The following NARS2 variants were observed in gnomAD, a reference collection of about 807,000 sequenced individuals.
The protein encoded by NARS2 is asparaginyl-tRNA synthetase 2, mitochondrial.
A neutral mutation model predicts 62.9 loss-of-function variants in NARS2; 60 were observed. The ratio of observed to expected loss-of-function variants is 0.95; its 90% confidence interval spans 0.77 to 1.18. The LOEUF (loss-of-function observed/expected upper bound fraction) is 1.18. Ranked by LOEUF, NARS2 falls within the 50% of genes most tolerant of loss-of-function variation. NARS2 has a pLI of 0.00. For synonymous variants in NARS2, 196 were observed against 200.0 expected, an observed-to-expected ratio of 0.98 and a Z score of 0.17; for missense variants, 619 against 576.4, an observed-to-expected ratio of 1.07 and a Z score of -0.76.
At chr11:78,447,054 AAC>A (rs1857786949) in intron 11 of NARS2, among the ~76,000 whole-genome samples, 1 of 145,662 alleles carries the variant, frequency 6.9e-6, no homozygotes, top group African/African-American at 2.8e-5. Context: ...TCAAAAAAAA[AAC>A]AAACAAACAT....
chr11:78,475,607 T>G (rs1859059831), intron 9 of NARS2, among the ~76,000 whole-genome samples: 1 of 110,366 alleles, frequency 9.1e-6, no homozygotes, highest in Admixed American at 9.4e-5. Context: ...TTTTTTTTTT[T>G]TTTGAGACAA....
At chr11:78,483,149 C>T (rs1464483360) in intron 7 of NARS2, among the ~76,000 whole-genome samples, 1 of 152,030 alleles carries the variant, frequency 6.6e-6, no homozygotes, top group Non-Finnish European at 1.5e-5. Flanking sequence ...CACATGATTA[C>T]CTCAACAGAC....
At chr11:78,521,495 T>C (rs1861120606) in intron 6 of NARS2, among the ~76,000 whole-genome samples, 1 of 151,932 alleles carries the variant, frequency 6.6e-6, no homozygotes, top group South Asian at 2.1e-4. Context: ...AAAGAAGGTA[T>C]AAGAAAAGCC....
chr11:78,483,450 T>C (rs1176450482), intron 7 of NARS2, among the ~76,000 whole-genome samples: 4 of 152,194 alleles, frequency 2.6e-5, no homozygotes, highest in African/African-American at 9.7e-5. Flanking sequence ...AGTCAAATTG[T>C]CTCTGTTTAC....
intron 3 of NARS2, 29 bp downstream of exon 3, chr11:78,568,603 A>G (rs1565290809): frequency 6.2e-7 from 1 of 1,603,240 alleles, no homozygotes; most frequent in African/African-American, 1.3e-5. Flanking sequence ...AAGCCTAAAC[A>G]GCCTCCACAA....
Position 78,555,749 on chromosome 11 carries a change from CTAAT to C in NARS2, c.594+3786_594+3789del, listed in dbSNP as rs372209612. ...TTGGGGTTGATCTGTTCTTGCTTCT[CTAAT>C]TATTTCCGTTGTGAAGTTAGGTTGT... On this transcript the variant is annotated intron_variant, in intron 5 of 13. Coordinates refer to ENST00000281038, the MANE Select transcript of NARS2 (RefSeq NM_024678.6). Among the ~76,000 whole-genome samples, 754 of 152,204 alleles carry C rather than the reference CTAAT, an allele frequency of 5.0e-3. 4 individuals carry two copies. Among genetic ancestry groups the C allele is most frequent in the African/African-American group, 0.018 (731 of 41,536 alleles).
chr11:78,466,097 T>A (rs1858610002), intron 10 of NARS2, 84 bp from the exon 11 acceptor site: 8 of 1,388,892 alleles, frequency 5.8e-6, no homozygotes, highest in Non-Finnish European at 2.0e-6. Context: ...CTGCATCAAT[T>A]CTAAGGGCTT....
chr11:78,445,686 G>A (rs528919092), intron 11 of NARS2, among the ~76,000 whole-genome samples: 7 of 152,118 alleles, frequency 4.6e-5, no homozygotes, highest in African/African-American at 1.4e-4. Context: ...ACAGTGGCAT[G>A]TGCTTGTAGT....
chr11:78,490,408 T>G (rs10899525), intron 7 of NARS2, among the ~76,000 whole-genome samples: 37,762 of 152,166 alleles, frequency 0.25, 5,114 homozygotes, highest in East Asian at 0.42. Flanking sequence ...GACTCTGTGT[T>G]TTCTTCTGGT....
At chr11:78,475,693 C>A (rs1859064280) in intron 9 of NARS2, among the ~76,000 whole-genome samples, 1 of 146,050 alleles carries the variant, frequency 6.8e-6, no homozygotes, top group South Asian at 2.2e-4. Context: ...ACCTCCTGGG[C>A]TTAGGCAATC....
chr11:78,567,791 A>G (rs1856794502), intron 3 of NARS2, among the ~76,000 whole-genome samples: 1 of 152,172 alleles, frequency 6.6e-6, no homozygotes, highest in Non-Finnish European at 1.5e-5. Flanking sequence ...ATTTTCCTAT[A>G]TTTCCTCATT....
At chr11:78,549,960 C>CT (rs572770025) in intron 5 of NARS2, among the ~76,000 whole-genome samples, 82 of 152,226 alleles carry the variant, frequency 5.4e-4, no homozygotes, top group Non-Finnish European at 1.0e-3. Context: ...AGGCAAAAGA[C>CT]TTAAATAGAC....
chr11:78,547,967 T>C, intron 5 of NARS2, among the ~76,000 whole-genome samples: 1 of 151,632 alleles, frequency 6.6e-6, no homozygotes. Context: ...CGCCTGTAAT[T>C]CCAGCATTTT....
chr11:78,507,557 T>C (rs1860551505), intron 6 of NARS2, among the ~76,000 whole-genome samples: 1 of 150,952 alleles, frequency 6.6e-6, no homozygotes, highest in African/African-American at 2.4e-5. Context: ...TCTTGCTCTG[T>C]TGCCCAGGCT....
At chr11:78,461,726 T>C (rs1858405931) in intron 11 of NARS2, among the ~76,000 whole-genome samples, 2 of 149,190 alleles carry the variant, frequency 1.3e-5, no homozygotes. Context: ...GCGGATGGAC[T>C]GCCTGAGCTC....
chr11:78,520,749 G>A (rs11237531), intron 6 of NARS2, among the ~76,000 whole-genome samples: 20,107 of 151,992 alleles, frequency 0.13, 4,365 homozygotes, highest in African/African-American at 0.45. Context: ...ATTATGTTAA[G>A]TAAGAGTAAA....
chr11:78,547,127 TAG>T (rs1184790619), intron 5 of NARS2, among the ~76,000 whole-genome samples: 2 of 152,048 alleles, frequency 1.3e-5, no homozygotes, highest in African/African-American at 4.8e-5. Flanking sequence ...GCCCAGGAAT[TAG>T]AGAACAGCCT....
In NARS2 at chr11:78,530,976, T is replaced by A. The variant is rs189935876; in HGVS notation, c.595-2040A>T. On this transcript the variant is annotated intron_variant, in intron 5 of 13. Coordinates refer to ENST00000281038, the MANE Select transcript of NARS2 (RefSeq NM_024678.6). ...CAATTAAAGTATTATACTGATTTTT[T>A]AAACTTCCCTTTGTATTATCACCTA... is the stretch of plus-strand genomic sequence containing the variant. Among the ~76,000 whole-genome samples the A allele has an allele frequency of 2.4e-3, 363 of 152,302 alleles. 1 individual carries two copies. Among genetic ancestry groups the A allele is most frequent in the African/African-American group, 8.1e-3 (335 of 41,560 alleles).
At chr11:78,566,001 A>G (rs1470051186) in intron 4 of NARS2, 131 bp downstream of exon 4, 13 of 694,404 alleles carry the variant, frequency 1.9e-5, no homozygotes, top group Non-Finnish European at 3.0e-5. Flanking sequence ...ACCATAACCC[A>G]TAATGAAGAG....
Sources: allele counts gnomAD v4.1 joint callset (sites outside exome capture counted in the v4.1 genomes callset), GRCh38; gene constraint gnomAD v4.1.1; transcripts MANE v1.5; gene names NCBI Gene and HGNC (gene_info 2026-07-23, HGNC 2026-07-21).